DIP2C: variants seen among roughly 807,000 people sequenced by gnomAD.
The protein encoded by DIP2C is DIP2 acetate--CoA ligase C (putative).
In DIP2C, 33 loss-of-function variants were observed where a neutral mutation model predicts 192.4. The observed-to-expected ratio is 0.17, with a 90% CI of 0.13 to 0.23. The LOEUF is 0.23. Among genes scored for constraint, DIP2C ranks in the 10% least tolerant of loss-of-function variants. The probability of loss-of-function intolerance (pLI) is 1.00; values close to 1 mark genes in which losing one functional copy is unlikely to be tolerated. For synonymous variants in DIP2C, 979 were observed against 864.1 expected, an observed-to-expected ratio of 1.13 and a Z score of -2.33; for missense variants, 1,537 against 2,110.1, an observed-to-expected ratio of 0.73 and a Z score of 5.32.
chr10:517,857 C>T (rs1846456862), intron 1 of DIP2C, among the ~76,000 whole-genome samples: 2 of 151,288 alleles, frequency 1.3e-5, no homozygotes, highest in African/African-American at 4.9e-5. Flanking sequence ...GGTCCTGTAA[C>T]CCTCAGGCAT....
chr10:569,645 C>G (rs1193600222), intron 1 of DIP2C, among the ~76,000 whole-genome samples: 1 of 152,144 alleles, frequency 6.6e-6, no homozygotes, highest in African/African-American at 2.4e-5. Flanking sequence ...TACACCATCA[C>G]TCCTTAAATT....
intron 1 of DIP2C, among the ~76,000 whole-genome samples, chr10:584,057 C>A (rs1176770201): frequency 6.6e-6 from 1 of 152,132 alleles, no homozygotes; most frequent in Non-Finnish European, 1.5e-5. Flanking sequence ...AGGAGGTGGC[C>A]CCCAAATCCC....
intron 1 of DIP2C, among the ~76,000 whole-genome samples, chr10:610,792 G>A (rs1269380895): frequency 6.6e-6 from 1 of 150,738 alleles, no homozygotes; most frequent in African/African-American, 2.4e-5. Flanking sequence ...GGAGGTGACT[G>A]ACTCATGGGG....
intron 32 of DIP2C, among the ~76,000 whole-genome samples, chr10:293,652 T>C (rs1274916215): frequency 6.6e-6 from 1 of 152,218 alleles, no homozygotes; most frequent in Non-Finnish European, 1.5e-5. Flanking sequence ...AGTGTTACTG[T>C]CAAAGTTGGG....
intron 1 of DIP2C, among the ~76,000 whole-genome samples, chr10:548,911 C>CGAAAAAAA (rs1348217783): frequency 1.9e-4 from 5 of 26,456 alleles, no homozygotes. Flanking sequence ...TAGCAGCTCA[C>CGAAAAAAA]AAAAAAAAAA....
chr10:509,417 G>A (rs146711275), intron 1 of DIP2C, among the ~76,000 whole-genome samples: 32 of 152,236 alleles, frequency 2.1e-4, no homozygotes, highest in Non-Finnish European at 3.4e-4. Context: ...ATCCATCCGC[G>A]CTGCTCCCCC....
intron 32 of DIP2C, among the ~76,000 whole-genome samples, chr10:299,136 T>C (rs948724694): frequency 1.3e-5 from 2 of 152,194 alleles, no homozygotes; most frequent in African/African-American, 4.8e-5. Flanking sequence ...GCCCACCCCA[T>C]CTTACACAAT....
intron 1 of DIP2C, among the ~76,000 whole-genome samples, chr10:490,771 CTTATG>C (rs1326926918): frequency 6.6e-6 from 1 of 152,122 alleles, no homozygotes; most frequent in Non-Finnish European, 1.5e-5. Context: ...AAAAACGCCA[CTTATG>C]TTATTCTCAG....
chr10:536,163 T>G (rs1474000262), intron 1 of DIP2C, among the ~76,000 whole-genome samples: 1 of 152,168 alleles, frequency 6.6e-6, no homozygotes, highest in Non-Finnish European at 1.5e-5. Context: ...TGCTACCTCC[T>G]CCAGCATGTG....
intron 3 of DIP2C, among the ~76,000 whole-genome samples, chr10:442,087 C>A (rs1329291756): frequency 1.3e-5 from 2 of 152,144 alleles, no homozygotes; most frequent in Non-Finnish European, 2.9e-5. Context: ...CACTCAAAGG[C>A]CCTAAACTGT....
At chr10:598,155 C>A (rs866193095) in intron 1 of DIP2C, among the ~76,000 whole-genome samples, 1 of 152,228 alleles carries the variant, frequency 6.6e-6, no homozygotes. Context: ...GAGTCGGAGA[C>A]ACCAGGGATG....
intron 1 of DIP2C, among the ~76,000 whole-genome samples, chr10:574,749 A>G (rs77392757): frequency 1.3e-5 from 2 of 152,216 alleles, no homozygotes; most frequent in East Asian, 3.8e-4. Context: ...TAATATTTCC[A>G]AACACTCAAT....
intron 14 of DIP2C, among the ~76,000 whole-genome samples, chr10:386,024 G>A (rs75445904): frequency 5.3e-4 from 80 of 152,302 alleles, no homozygotes; most frequent in African/African-American, 1.9e-3. Flanking sequence ...GCTGTACCCC[G>A]GAGCACGGAG....
At chr10:575,511 C>G (rs1237700831) in intron 1 of DIP2C, among the ~76,000 whole-genome samples, 2 of 152,194 alleles carry the variant, frequency 1.3e-5, no homozygotes, top group Non-Finnish European at 2.9e-5. Context: ...CGACAGCGAG[C>G]TCTGCTGAGA....
chr10:624,915 C>T (rs917036276), intron 1 of DIP2C, among the ~76,000 whole-genome samples: 3 of 152,148 alleles, frequency 2.0e-5, no homozygotes, highest in African/African-American at 7.2e-5. Flanking sequence ...GTGGGCCCCA[C>T]GAGCAAACGA....
At position 440,920 on chromosome 10, in the gene DIP2C, T is replaced by C. The variant is rs778270688; in HGVS notation, c.345A>G (p.Lys115=). 7.4e-6 allele frequency: 12 copies of C among 1,613,852 alleles called. No individual in the cohort carries two copies. Among genetic ancestry groups the C allele is most frequent in the Non-Finnish European group, 2.5e-6 (3 of 1,180,016 alleles). Residue 115 remains lysine, a synonymous_variant, in exon 4 of 37, where the codon AAA becomes AAG. Coordinates refer to ENST00000280886, the MANE Select transcript of DIP2C (RefSeq NM_014974.3). ...ERKMAVPMPS[K]RRSLVVQTSM... ...AGGTCTGCACGACCAGGGACCTGCG[T>C]TTGGAAGGCATAGGCACTGCCATCT...
chr10:641,996 C>A (rs1192025345), intron 1 of DIP2C, among the ~76,000 whole-genome samples: 1 of 152,164 alleles, frequency 6.6e-6, no homozygotes, highest in Non-Finnish European at 1.5e-5. Context: ...GCACTCCAGC[C>A]TGGGCAACAG....
chr10:281,108 A>C, intron 36 of DIP2C, 92 bp downstream of exon 36: 1 of 1,552,520 alleles, frequency 6.4e-7, no homozygotes, highest in Middle Eastern at 1.7e-4. Flanking sequence ...CTACCTTAAC[A>C]AAACTCTCCT....
At chr10:418,744 T>C (rs1391323206) in intron 6 of DIP2C, among the ~76,000 whole-genome samples, 3 of 152,266 alleles carry the variant, frequency 2.0e-5, no homozygotes, top group Non-Finnish European at 4.4e-5. Context: ...AACACACCTG[T>C]ACAAGAATTT....
Sources: gnomAD v4.1 joint callset for allele counts (sites outside exome capture counted in the v4.1 genomes callset) on GRCh38, gnomAD v4.1.1 for gene constraint, MANE v1.5 for transcripts, NCBI Gene and HGNC (gene_info 2026-07-23, HGNC 2026-07-21) for gene names.